DLGAP1: variants seen among roughly 807,000 people sequenced by gnomAD.
The protein encoded by DLGAP1 is DLG associated protein 1.
In DLGAP1, 11 loss-of-function variants were observed where a neutral mutation model predicts 90.8. That is an observed-to-expected ratio of 0.12 (90% CI 0.08 to 0.20). The LOEUF is 0.20. DLGAP1 is among the 10% of genes least tolerant of loss of function. The probability of loss-of-function intolerance (pLI) is 1.00; values close to 1 mark genes in which losing one functional copy is unlikely to be tolerated. For synonymous variants in DLGAP1, 558 were observed against 540.7 expected, an observed-to-expected ratio of 1.03 and a Z score of -0.44; for missense variants, 1,050 against 1,333.8, an observed-to-expected ratio of 0.79 and a Z score of 3.31.
chr18:3,725,923 A>G (rs964373953), intron 7 of DLGAP1, among the ~76,000 whole-genome samples: 1 of 152,168 alleles, frequency 6.6e-6, no homozygotes, highest in Non-Finnish European at 1.5e-5. Context: ...CTGTGATTTC[A>G]TTTTATGAAT....
At chr18:4,154,344 TA>T (rs1404790916) in intron 1 of DLGAP1, among the ~76,000 whole-genome samples, 12 of 151,574 alleles carry the variant, frequency 7.9e-5, no homozygotes, top group Non-Finnish European at 1.6e-4. Context: ...TTTTTTTAAA[TA>T]AAAAAAATTA....
At chr18:4,167,530 A>G (rs963099864) in intron 1 of DLGAP1, among the ~76,000 whole-genome samples, 8 of 152,188 alleles carry the variant, frequency 5.3e-5, no homozygotes, top group East Asian at 1.9e-4. Flanking sequence ...CCACTATCCT[A>G]TATGTGAAGC....
chr18:4,055,548 T>TG (rs947185987), intron 2 of DLGAP1, among the ~76,000 whole-genome samples: 17 of 152,000 alleles, frequency 1.1e-4, no homozygotes, highest in African/African-American at 2.7e-4. Flanking sequence ...ATTTGTTTTT[T>TG]TTGTTGTTGT....
chr18:3,613,900 C>A lies in DLGAP1; in HGVS notation c.1592-31652G>T, dbSNP rs1018840006. 6.6e-5 allele frequency among the ~76,000 whole-genome samples: 10 copies of A among 151,856 alleles called. No homozygotes were observed. In the East Asian group the frequency reaches 1.4e-3, roughly 21 times the overall value. On this transcript the variant is annotated intron_variant, in intron 7 of 12. Transcript: ENST00000315677. ...CTATGCAGATGCTAGGCAAAGAAGC[C>A]ACAGCAGCTACCCAGTAACAGTTGT...
At chr18:4,025,108 G>A (rs1209947262) in intron 2 of DLGAP1, among the ~76,000 whole-genome samples, 3 of 152,124 alleles carry the variant, frequency 2.0e-5, no homozygotes, top group Admixed American at 2.0e-4. Context: ...TTTAGCAGCG[G>A]AAAGACAAGT....
chr18:3,982,406 G>T (rs11664127), intron 3 of DLGAP1, among the ~76,000 whole-genome samples: 65,857 of 151,546 alleles, frequency 0.43, 14,427 homozygotes, highest in African/African-American at 0.46. Context: ...TGACACGGAA[G>T]TGACAAGATA....
rs527278427 is a variant in DLGAP1 at position 4,105,965 on chromosome 18, G to A, written c.-159+45215C>T. ...GAGAATGGCGTGAACCCGGGAGGCG[G>A]AGCTTGCAGTGAACCGAGATCGCGC... On this transcript the variant is annotated intron_variant, in intron 2 of 12. Coordinates refer to ENST00000315677, the MANE Select transcript of DLGAP1 (RefSeq NM_004746.4). Among the ~76,000 whole-genome samples the A allele has an allele frequency of 8.7e-3, 1,265 of 145,074 alleles. 9 individuals are homozygous for A. The highest frequency in any genetic ancestry group is 0.013 in the Non-Finnish European group (840 of 67,024).
intron 4 of DLGAP1, among the ~76,000 whole-genome samples, chr18:3,820,742 G>A (rs1490175671): frequency 2.6e-5 from 4 of 152,080 alleles, no homozygotes; most frequent in African/African-American, 9.7e-5. Context: ...AATGAGCTAG[G>A]GGCAGTGCCT....
At chr18:4,326,386 T>C (rs538170324) in intron 1 of DLGAP1, among the ~76,000 whole-genome samples, 2 of 152,080 alleles carry the variant, frequency 1.3e-5, no homozygotes, top group Non-Finnish European at 2.9e-5. Context: ...CGAACACTTA[T>C]ACCCAAGGAG....
At chr18:4,059,372 TC>T (rs1284767282) in intron 2 of DLGAP1, among the ~76,000 whole-genome samples, 1 of 152,116 alleles carries the variant, frequency 6.6e-6, no homozygotes, top group Non-Finnish European at 1.5e-5. Flanking sequence ...AAGTTTGATT[TC>T]CCCAAACCTT....
intron 10 of DLGAP1, among the ~76,000 whole-genome samples, chr18:3,523,698 T>A (rs762807451): frequency 2.0e-5 from 3 of 151,790 alleles, no homozygotes; most frequent in African/African-American, 4.8e-5. Context: ...ATACAAAAAA[T>A]TAGCCAGGCG....
intron 4 of DLGAP1, among the ~76,000 whole-genome samples, chr18:3,878,668 A>T (rs1047039691): frequency 6.6e-6 from 1 of 152,138 alleles, no homozygotes; most frequent in Admixed American, 6.5e-5. Context: ...TTCAGGCAGG[A>T]TTTCACAATG....
intron 1 of DLGAP1, among the ~76,000 whole-genome samples, chr18:4,355,170 G>A (rs1356348835): frequency 6.6e-6 from 1 of 152,172 alleles, no homozygotes; most frequent in African/African-American, 2.4e-5. Context: ...CCAAGAATCT[G>A]TACACAAATG....
At chr18:3,509,008 A>G (rs1263837183) in intron 10 of DLGAP1, among the ~76,000 whole-genome samples, 1 of 149,740 alleles carries the variant, frequency 6.7e-6, no homozygotes, top group African/African-American at 2.5e-5. Context: ...AACTTCCTTT[A>G]CCGCAAGGAT....
intron 1 of DLGAP1, among the ~76,000 whole-genome samples, chr18:4,225,205 G>C (rs1439947359): frequency 6.6e-6 from 1 of 152,122 alleles, no homozygotes; most frequent in African/African-American, 2.4e-5. Flanking sequence ...CCTCTATGAG[G>C]CTGGAAGAGT....
chr18:4,402,058 G>T (rs1008084933), intron 1 of DLGAP1, among the ~76,000 whole-genome samples: 1 of 152,192 alleles, frequency 6.6e-6, no homozygotes. Context: ...TTCCTTGAGA[G>T]AAAGTAGCCT....
chr18:4,334,049 A>G (rs549314167), intron 1 of DLGAP1, among the ~76,000 whole-genome samples: 133 of 151,528 alleles, frequency 8.8e-4, no homozygotes, highest in Middle Eastern at 6.8e-3. Context: ...GACCAGCCTG[A>G]CCAACATGGG....
intron 7 of DLGAP1, among the ~76,000 whole-genome samples, chr18:3,626,191 G>T (rs1333982030): frequency 6.6e-6 from 1 of 152,090 alleles, no homozygotes; most frequent in Non-Finnish European, 1.5e-5. Flanking sequence ...TACTTGGGGG[G>T]CTGAGGTGGG....
chr18:4,009,139 G>A (rs1463961640), intron 2 of DLGAP1, among the ~76,000 whole-genome samples: 2 of 152,086 alleles, frequency 1.3e-5, no homozygotes, highest in African/African-American at 2.4e-5. Context: ...TCCTGACCTC[G>A]TGATCCACCT....
Sources: gnomAD v4.1 joint callset for allele counts (sites outside exome capture counted in the v4.1 genomes callset) on GRCh38, gnomAD v4.1.1 for gene constraint, MANE v1.5 for transcripts, NCBI Gene and HGNC (gene_info 2026-07-23, HGNC 2026-07-21) for gene names.